The following PDE3B variants were observed in gnomAD, a reference collection of about 807,000 sequenced individuals.
PDE3B encodes phosphodiesterase 3B.
PDE3B carries 66 observed loss-of-function variants against 116.8 expected under a neutral mutation model. The ratio of observed to expected loss-of-function variants is 0.56; its 90% CI spans 0.46 to 0.69. The LOEUF (loss-of-function observed/expected upper bound fraction) is 0.69, where lower values mean the gene tolerates loss of function less well. Among genes scored for constraint, PDE3B ranks in the 30% least tolerant of loss-of-function variants. The pLI is 0.00. For missense variants in PDE3B, 1,384 were observed against 1,368.1 expected (o/e 1.01, Z -0.18); for synonymous variants, 595 against 533.6 (o/e 1.12, Z -1.59).
intron 1 of PDE3B, 51 bp downstream of exon 1, chr11:14,645,104 C>G: frequency 7.1e-7 from 1 of 1,417,472 alleles, no homozygotes; most frequent in Non-Finnish European, 9.4e-7. Context: ...TCGGGTTTAC[C>G]GCTGCAGTTT....
intron 1 of PDE3B, among the ~76,000 whole-genome samples, chr11:14,758,909 A>G (rs893590615): frequency 5.9e-5 from 9 of 152,006 alleles, no homozygotes; most frequent in Admixed American, 4.6e-4. Context: ...TGGGTTTCTC[A>G]TAGATAGCTC....
At chr11:14,827,531 CAA>C (rs1473855394) in intron 7 of PDE3B, among the ~76,000 whole-genome samples, 1 of 152,042 alleles carries the variant, frequency 6.6e-6, no homozygotes, top group Non-Finnish European at 1.5e-5. Context: ...ACAGCCAAAA[CAA>C]GAGCCAAACC....
In PDE3B at chr11:14,846,936, CAG is replaced by C. The variant is rs1329156906; in HGVS notation, c.2520+2912_2520+2913del. ...GTCAACATTAGACAGATCAATGAGA[CAG>C]AAAGTTAACAAGGATACCCAGGAAT... On this transcript the variant is annotated intron_variant, in intron 12 of 15. Coordinates refer to ENST00000282096, the MANE Select transcript of PDE3B (RefSeq NM_000922.4). Among the ~76,000 whole-genome samples, 6 of 152,132 alleles carry C rather than the reference CAG, an allele frequency of 3.9e-5. No homozygotes were observed. The East Asian group carries it at 1.2e-3, about 29-fold the overall frequency.
chr11:14,775,512 G>A (rs781321135), intron 2 of PDE3B: 3 of 151,976 alleles, frequency 2.0e-5, no homozygotes, highest in African/African-American at 7.3e-5. Flanking sequence ...TCTTTTGAAC[G>A]CTAATGCCAT....
intron 14 of PDE3B, among the ~76,000 whole-genome samples, chr11:14,864,102 GAGAA>G (rs1377820582): frequency 6.6e-6 from 1 of 152,114 alleles, no homozygotes; most frequent in Non-Finnish European, 1.5e-5. Context: ...TAAAGGGATG[GAGAA>G]AGATTTACCC....
intron 2 of PDE3B, among the ~76,000 whole-genome samples, chr11:14,777,517 C>T (rs987419759): frequency 1.3e-5 from 2 of 152,190 alleles, no homozygotes; most frequent in Admixed American, 1.3e-4. Flanking sequence ...AGAAACAACA[C>T]ATAACCTATA....
chr11:14,726,223 A>G lies in PDE3B; in HGVS notation c.979-45714A>G, dbSNP rs147543394. 2.9e-4 allele frequency among the ~76,000 whole-genome samples: 44 copies of G among 152,286 alleles called. No homozygotes were observed. The East Asian group carries it at 8.3e-3, about 29-fold the overall frequency. ...AAGCCTTCTTTGACACCTGCCTATC[A>G]TTCTGTATTCCCTTAGCCCATTTTT... On this transcript the variant is annotated intron_variant, in intron 1 of 15. Coordinates refer to ENST00000282096, the MANE Select transcript of PDE3B (RefSeq NM_000922.4).
At chr11:14,849,784 T>G (rs192284374) in intron 12 of PDE3B, among the ~76,000 whole-genome samples, 13 of 151,296 alleles carry the variant, frequency 8.6e-5, no homozygotes, top group Non-Finnish European at 1.3e-4. Context: ...AGAACCACAG[T>G]GAGATACCAT....
chr11:14,677,320 G>A (rs1854559606), intron 1 of PDE3B, among the ~76,000 whole-genome samples: 1 of 152,030 alleles, frequency 6.6e-6, no homozygotes, highest in Non-Finnish European at 1.5e-5. Context: ...CACTCTCTGA[G>A]GATTGAGGAA....
intron 1 of PDE3B, among the ~76,000 whole-genome samples, chr11:14,748,363 C>A (rs138192475): frequency 6.6e-6 from 1 of 152,246 alleles, no homozygotes; most frequent in African/African-American, 2.4e-5. Context: ...AATTAAATCA[C>A]AATTTTTTTT....
chr11:14,780,394 A>T (rs1179593243), intron 2 of PDE3B, among the ~76,000 whole-genome samples: 2 of 152,208 alleles, frequency 1.3e-5, no homozygotes, highest in Admixed American at 6.5e-5. Context: ...ACTTATTCCA[A>T]AATTGACCAC....
intron 12 of PDE3B, among the ~76,000 whole-genome samples, chr11:14,847,278 T>G (rs1590190869): frequency 6.6e-6 from 1 of 151,382 alleles, no homozygotes; most frequent in South Asian, 2.1e-4. Flanking sequence ...AATAAAGATG[T>G]TCTTTGAAAC....
intron 1 of PDE3B, among the ~76,000 whole-genome samples, chr11:14,685,771 TAA>T (rs1402337136): frequency 1.3e-5 from 2 of 152,170 alleles, no homozygotes; most frequent in Non-Finnish European, 2.9e-5. Context: ...TTTCGTGAGT[TAA>T]GTTTTATATC....
In PDE3B at chr11:14,710,705, G is replaced by A. The variant is rs181953424; in HGVS notation, c.979-61232G>A. ...ATGGAGGTTGAGGGTTGGGGAGGGC[G>A]AAAAAGAGAGGGAGGAGAGAGACAG... On this transcript the variant is annotated intron_variant, in intron 1 of 15. Transcript: ENST00000282096. 7.2e-4 allele frequency among the ~76,000 whole-genome samples: 110 copies of A among 152,252 alleles called. 1 individual carries two copies. Among genetic ancestry groups the A allele is most frequent in the Admixed American group, 4.3e-3 (66 of 15,290 alleles).
At position 14,666,984 on chromosome 11, in the gene PDE3B, C is replaced by T. The variant is rs560203303; in HGVS notation, c.978+21931C>T. ...ATGCTGCTATAAAGACACATGCACA[C>T]GTATGTTTATTGCGGCATTATTCAC... On this transcript the variant is annotated intron_variant, in intron 1 of 15. Coordinates refer to ENST00000282096, the MANE Select transcript of PDE3B (RefSeq NM_000922.4). Among the ~76,000 whole-genome samples the T allele has an allele frequency of 1.3e-3, 198 of 151,654 alleles. 1 individual carries two copies. Among genetic ancestry groups the T allele is most frequent in the African/African-American group, 4.3e-3 (178 of 41,442 alleles).
chr11:14,771,095 A>G (rs1590130409), intron 1 of PDE3B, among the ~76,000 whole-genome samples: 1 of 151,844 alleles, frequency 6.6e-6, no homozygotes, highest in African/African-American at 2.4e-5. Context: ...AGTTCAATAT[A>G]TAGAAATTAT....
intron 4 of PDE3B, among the ~76,000 whole-genome samples, chr11:14,795,397 T>G (rs1858522702): frequency 6.6e-6 from 1 of 152,236 alleles, no homozygotes; most frequent in South Asian, 2.1e-4. Context: ...CTGCCAACTA[T>G]TAGTAGTCAT....
chr11:14,669,554 T>G (rs893258945), intron 1 of PDE3B, among the ~76,000 whole-genome samples: 12 of 151,676 alleles, frequency 7.9e-5, no homozygotes, highest in Admixed American at 7.2e-4. Flanking sequence ...ATGTTGGGTG[T>G]GCTGCACGCA....
In PDE3B at chr11:14,683,296, A is replaced by AT. The variant is rs959919729; in HGVS notation, c.978+38253dup. 1.2e-4 allele frequency among the ~76,000 whole-genome samples: 18 copies of AT among 150,172 alleles called. No individual in the cohort carries two copies. In the South Asian group the frequency reaches 1.5e-3, roughly 12 times the overall value. ...TGCTAGTGAAACCATCTGGGTCTCA[A>AT]TTTTTTTTTTCTTTTTGTTTTTTTG... On this transcript the variant is annotated intron_variant, in intron 1 of 15. Transcript: ENST00000282096.
Sources: gnomAD v4.1 joint callset for allele counts (sites outside exome capture counted in the v4.1 genomes callset) on GRCh38, gnomAD v4.1.1 for gene constraint, MANE v1.5 for transcripts, NCBI Gene and HGNC (gene_info 2026-07-23, HGNC 2026-07-21) for gene names.